Variants in ACYP1 observed in about 807,000 individuals in gnomAD.
The protein encoded by ACYP1 is acylphosphatase 1, also known as acylphosphatase-1.
ACYP1 carries 8 observed loss-of-function variants against 10.4 expected under a neutral mutation model. The ratio of observed to expected loss-of-function variants is 0.77; its 90% CI spans 0.45 to 1.38. ACYP1 has a LOEUF of 1.38. Among genes scored for constraint, ACYP1 ranks in the 40% most tolerant of loss-of-function variants. The pLI is 0.00. For missense variants in ACYP1, 93 were observed against 117.3 expected (o/e 0.79, Z 0.96); for synonymous variants, 38 against 40.8 (o/e 0.93, Z 0.26).
At chr14:75,055,880 A>G (rs1234459507) in intron 2 of ACYP1, among the ~76,000 whole-genome samples, 1 of 151,638 alleles carries the variant, frequency 6.6e-6, no homozygotes, top group African/African-American at 2.4e-5. Context: ...AGCTAGACTG[A>G]TAAAGAAAAA....
upstream of ACYP1, among the ~76,000 whole-genome samples, chr14:75,066,986 A>T (rs1184538810): frequency 6.6e-6 from 1 of 152,150 alleles, no homozygotes; most frequent in Non-Finnish European, 1.5e-5. Context: ...ATGGGAGAGG[A>T]TCAGAGTTTA....
At chr14:75,055,302 T>G (rs1892849530) in intron 2 of ACYP1, among the ~76,000 whole-genome samples, 2 of 151,142 alleles carry the variant, frequency 1.3e-5, no homozygotes, top group Non-Finnish European at 2.9e-5. Context: ...TTAGCCAGGA[T>G]GGTCTCGATC....
At chr14:75,068,476 G>C (rs1310383905), upstream of ACYP1, among the ~76,000 whole-genome samples, 1 of 151,938 alleles carries the variant, frequency 6.6e-6, no homozygotes, top group East Asian at 1.9e-4. Flanking sequence ...ATAGAGGAGA[G>C]GGAAGGAGAG....
upstream of ACYP1, among the ~76,000 whole-genome samples, chr14:75,068,561 A>T (rs958080589): frequency 6.6e-6 from 1 of 151,430 alleles, no homozygotes; most frequent in African/African-American, 2.4e-5. Context: ...AGAGAGAGAC[A>T]GAGAGAGAGA....
chr14:75,068,637 T>A (rs1402086687), upstream of ACYP1, among the ~76,000 whole-genome samples: 1 of 151,100 alleles, frequency 6.6e-6, no homozygotes, highest in Non-Finnish European at 1.5e-5. Flanking sequence ...ATCGGGACCC[T>A]GAGTGGAGTG....
intron 2 of ACYP1, among the ~76,000 whole-genome samples, chr14:75,055,444 T>C (rs890391263): frequency 6.6e-6 from 1 of 151,404 alleles, no homozygotes; most frequent in Non-Finnish European, 1.5e-5. Context: ...GTGTTGAGAA[T>C]GGGCGTTTCC....
At chr14:75,063,025 G>A (rs1893067367) in intron 2 of ACYP1, 1 of 155,208 alleles carries the variant, frequency 6.4e-6, no homozygotes, top group Non-Finnish European at 1.4e-5. Flanking sequence ...GGAGAACTGA[G>A]GGAAGCTTGG....
intron 1 of ACYP1, chr14:75,069,075 TA>T: frequency 3.3e-6 from 3 of 910,728 alleles, no homozygotes; most frequent in Non-Finnish European, 3.2e-6. Flanking sequence ...ACCACGTGAG[TA>T]AAACATTATA....
chr14:75,059,983 A>T, intron 2 of ACYP1: 1 of 305,194 alleles, frequency 3.3e-6, no homozygotes, highest in South Asian at 1.1e-4. Flanking sequence ...TTAGTGTTTA[A>T]TGAATACAGA....
At chr14:75,057,964 CAAAAAA>C (rs769312151) in intron 2 of ACYP1, among the ~76,000 whole-genome samples, 2 of 38,806 alleles carry the variant, frequency 5.2e-5, no homozygotes, top group African/African-American at 1.1e-4. Flanking sequence ...GACTCTGTCT[CAAAAAA>C]AAAAAAAAAA....
chr14:75,061,003 G>A (rs1246874674), intron 2 of ACYP1, among the ~76,000 whole-genome samples: 1 of 152,096 alleles, frequency 6.6e-6, no homozygotes, highest in Non-Finnish European at 1.5e-5. Context: ...GGAGGCAGAG[G>A]TTGCAGTGAG....
chr14:75,063,882 G>T, intron 1 of ACYP1, 72 bp downstream of exon 1: 2 of 996,616 alleles, frequency 2.0e-6, no homozygotes, highest in Non-Finnish European at 2.4e-6. Flanking sequence ...CTAACTCCCA[G>T]AATCCCCTGC....
At chr14:75,066,053 C>T (rs984317798), upstream of ACYP1, among the ~76,000 whole-genome samples, 2 of 152,172 alleles carry the variant, frequency 1.3e-5, no homozygotes, top group Non-Finnish European at 2.9e-5. Flanking sequence ...ATCCTCAGGC[C>T]TCACCCCTAG....
In ACYP1 at chr14:75,053,402, C is replaced by T. The variant is rs1267057313; in HGVS notation, c.*42G>A. The T allele has an allele frequency of 6.4e-7, 1 of 1,561,552 alleles. No individual in the cohort carries two copies. The highest frequency in any genetic ancestry group is 1.1e-5 in the South Asian group (1 of 89,576). ...GTTCTATCTCTATTAATAATAAAAA[C>T]CAAACCACTGAGTTTATCTTAGAAA... is the stretch of plus-strand genomic sequence containing the variant. On this transcript the variant is annotated 3_prime_UTR_variant, in exon 3 of 3. Transcript: ENST00000238618.
exon 1 of ACYP1, chr14:75,069,473 G>C (rs1015313185): frequency 1.6e-5 from 8 of 511,666 alleles, no homozygotes; most frequent in Non-Finnish European, 2.7e-5. Context: ...GAGCTGCAGA[G>C]TTGGCCGGAC....
At chr14:75,053,721 A>G (rs1892806007) in intron 2 of ACYP1, 62 bp from the exon 3 acceptor site, 1 of 1,483,692 alleles carries the variant, frequency 6.7e-7, no homozygotes, top group Middle Eastern at 1.8e-4. Flanking sequence ...TAAGACTACA[A>G]TCTGTTGCCA....
At chr14:75,053,715 A>C (rs899384481) in intron 2 of ACYP1, 56 bp from the exon 3 acceptor site, 1 of 1,516,760 alleles carries the variant, frequency 6.6e-7, no homozygotes, top group African/African-American at 1.4e-5. Flanking sequence ...ACAAGGTAAG[A>C]CTACAATCTG....
upstream of ACYP1, among the ~76,000 whole-genome samples, chr14:75,066,310 A>G (rs1893141209): frequency 1.3e-5 from 2 of 152,204 alleles, no homozygotes; most frequent in Admixed American, 6.5e-5. Context: ...CAATGCATAC[A>G]TTATCAAAAC....
chr14:75,061,628 A>G (rs1893017557), intron 2 of ACYP1: 3 of 1,337,720 alleles, frequency 2.2e-6, no homozygotes, highest in African/African-American at 1.4e-5. Context: ...TCCCTCAACA[A>G]CTTTGACTAA....
Sources: allele counts gnomAD v4.1 joint callset (sites outside exome capture counted in the v4.1 genomes callset), GRCh38; gene constraint gnomAD v4.1.1; transcripts MANE v1.5; gene names NCBI Gene and HGNC (gene_info 2026-07-23, HGNC 2026-07-21).